EXOC6B: variants seen among roughly 807,000 people sequenced by gnomAD.
The protein encoded by EXOC6B is exocyst complex component 6B.
Under a neutral mutation model 113.5 loss-of-function variants are expected in EXOC6B, and 54 were observed. The observed-to-expected ratio is 0.48, with a 90% CI of 0.38 to 0.60. The LOEUF is 0.60. Among genes scored for constraint, EXOC6B ranks in the 20% least tolerant of loss-of-function variants. The probability of loss-of-function intolerance (pLI) is 0.00; values close to 1 mark genes in which losing one functional copy is unlikely to be tolerated. For synonymous variants in EXOC6B, 357 were observed against 339.0 expected, an observed-to-expected ratio of 1.05 and a Z score of -0.58; for missense variants, 797 against 977.5, an observed-to-expected ratio of 0.82 and a Z score of 2.46.
chr2:72,429,699 T>C (rs1255285157), intron 18 of EXOC6B, among the ~76,000 whole-genome samples: 1 of 152,234 alleles, frequency 6.6e-6, no homozygotes, highest in Non-Finnish European at 1.5e-5. Flanking sequence ...TCACAAGTTA[T>C]GAGAGGGGGA....
chr2:72,189,805 T>G (rs1280941802), intron 20 of EXOC6B, among the ~76,000 whole-genome samples: 1 of 140,108 alleles, frequency 7.1e-6, no homozygotes, highest in African/African-American at 2.6e-5. Context: ...TCCTTCTTTC[T>G]CTTTCTCTTT....
intron 18 of EXOC6B, among the ~76,000 whole-genome samples, chr2:72,408,610 T>C (rs1362996882): frequency 6.6e-6 from 1 of 152,010 alleles, no homozygotes; most frequent in African/African-American, 2.4e-5. Flanking sequence ...AAACAAGAAA[T>C]GGGGGAACGA....
At chr2:72,511,989 C>A (rs1320679140) in intron 11 of EXOC6B, among the ~76,000 whole-genome samples, 2 of 152,096 alleles carry the variant, frequency 1.3e-5, no homozygotes, top group Non-Finnish European at 2.9e-5. Context: ...TGACTCCTCA[C>A]TATTATTCCT....
chr2:72,664,607 G>A (rs952971439), intron 6 of EXOC6B, among the ~76,000 whole-genome samples: 2 of 152,202 alleles, frequency 1.3e-5, no homozygotes, highest in African/African-American at 2.4e-5. Context: ...GGCCATAGGC[G>A]CTCACCCTTC....
At chr2:72,595,151 C>T (rs1669993080) in intron 6 of EXOC6B, among the ~76,000 whole-genome samples, 1 of 151,726 alleles carries the variant, frequency 6.6e-6, no homozygotes, top group Non-Finnish European at 1.5e-5. Flanking sequence ...ATCCCAGCAA[C>T]TTGGGAGGCT....
At chr2:72,373,747 C>T (rs1691180127) in intron 19 of EXOC6B, among the ~76,000 whole-genome samples, 1 of 152,086 alleles carries the variant, frequency 6.6e-6, no homozygotes, top group Non-Finnish European at 1.5e-5. Flanking sequence ...GTCTTTTATC[C>T]AAAACACAGG....
intron 19 of EXOC6B, among the ~76,000 whole-genome samples, chr2:72,354,065 G>T (rs1689830689): frequency 6.6e-6 from 1 of 152,112 alleles, no homozygotes; most frequent in East Asian, 1.9e-4. Context: ...TGGTCTTTTA[G>T]AAACTATTAG....
intron 20 of EXOC6B, among the ~76,000 whole-genome samples, chr2:72,233,496 A>C (rs1240216516): frequency 6.6e-6 from 1 of 152,154 alleles, no homozygotes; most frequent in Non-Finnish European, 1.5e-5. Context: ...TCTCCACAGG[A>C]ACTTGAGCAA....
At chr2:72,228,347 A>G (rs1471795849) in intron 20 of EXOC6B, among the ~76,000 whole-genome samples, 1 of 152,020 alleles carries the variant, frequency 6.6e-6, no homozygotes, top group Non-Finnish European at 1.5e-5. Flanking sequence ...TACATGTGCC[A>G]TGTTGGTGTG....
At chr2:72,743,409 G>A (rs1681473663) in intron 1 of EXOC6B, among the ~76,000 whole-genome samples, 1 of 151,926 alleles carries the variant, frequency 6.6e-6, no homozygotes, top group South Asian at 2.1e-4. Context: ...CCTTTCTCTA[G>A]TTCCCACCCA....
chr2:72,410,532 G>A (rs1168845509), intron 18 of EXOC6B, among the ~76,000 whole-genome samples: 1 of 152,184 alleles, frequency 6.6e-6, no homozygotes. Flanking sequence ...TCAGGTGAAA[G>A]TCAAATCAGC....
chr2:72,189,937 C>T (rs1678723725), intron 20 of EXOC6B, among the ~76,000 whole-genome samples: 1 of 141,332 alleles, frequency 7.1e-6, no homozygotes, highest in African/African-American at 2.7e-5. Flanking sequence ...CAAGCTCTGC[C>T]TCCTGGGTTC....
At chr2:72,773,595 C>T (rs1281470609) in intron 1 of EXOC6B, among the ~76,000 whole-genome samples, 9 of 150,594 alleles carry the variant, frequency 6.0e-5, no homozygotes, top group East Asian at 1.9e-4. Context: ...TCAAGAAAGT[C>T]GGAAAAAAAA....
intron 18 of EXOC6B, among the ~76,000 whole-genome samples, chr2:72,443,911 C>T (rs1484896807): frequency 1.3e-5 from 2 of 152,066 alleles, no homozygotes; most frequent in African/African-American, 4.8e-5. Context: ...ATAGGCCCTC[C>T]CAAATCTCAT....
chr2:72,533,526 T>C (rs552476266), intron 8 of EXOC6B, among the ~76,000 whole-genome samples: 1 of 152,334 alleles, frequency 6.6e-6, no homozygotes, highest in East Asian at 1.9e-4. Flanking sequence ...TGAAGCAAAC[T>C]GTTAAACATA....
chr2:72,299,803 G>A lies in EXOC6B; in HGVS notation c.2196+35144C>T, dbSNP rs533214171. ...CTTCTAACAGTCAGGCCTCTCTGCT[G>A]CAGGTCTGGTGGAGGTTGCTGGAGA... On this transcript the variant is annotated intron_variant, in intron 20 of 21. Transcript: ENST00000272427. 1.0e-3 allele frequency among the ~76,000 whole-genome samples: 159 copies of A among 152,260 alleles called. 1 individual carries two copies. Among genetic ancestry groups the A allele is most frequent in the African/African-American group, 3.7e-3 (155 of 41,544 alleles).
chr2:72,252,920 C>A (rs1209160380), intron 20 of EXOC6B, among the ~76,000 whole-genome samples: 1 of 151,586 alleles, frequency 6.6e-6, no homozygotes, highest in African/African-American at 2.4e-5. Context: ...GCTTTAGAAG[C>A]AATATGCTTC....
At chr2:72,325,748 C>T (rs926440313) in intron 20 of EXOC6B, among the ~76,000 whole-genome samples, 27 of 151,910 alleles carry the variant, frequency 1.8e-4, no homozygotes, top group African/African-American at 3.9e-4. Flanking sequence ...ACTGTCCTTT[C>T]GGTTTTCTAC....
Position 72,381,547 on chromosome 2 carries a change from T to C in EXOC6B, c.1981-1677A>G, listed in dbSNP as rs557121618. ...TAGCAGGCTTTAAAGAGAAAAACCA[T>C]AAATAAATAATATCATACTACATTT... is the stretch of plus-strand genomic sequence containing the variant. On this transcript the variant is annotated intron_variant, in intron 18 of 21. Transcript: ENST00000272427. Among the ~76,000 whole-genome samples, 48 of 152,188 alleles carry C rather than the reference T, an allele frequency of 3.2e-4. 1 individual carries two copies. Among genetic ancestry groups the C allele is most frequent in the Admixed American group, 3.0e-3 (46 of 15,274 alleles).
Sources: allele counts gnomAD v4.1 joint callset (sites outside exome capture counted in the v4.1 genomes callset), GRCh38; gene constraint gnomAD v4.1.1; transcripts MANE v1.5; gene names NCBI Gene and HGNC (gene_info 2026-07-23, HGNC 2026-07-21).